The following BAZ2B variants were observed in gnomAD, a reference collection of about 807,000 sequenced individuals.
BAZ2B encodes bromodomain adjacent to zinc finger domain 2B.
In BAZ2B, 91 loss-of-function variants were observed where a neutral mutation model predicts 246.0. That is an observed-to-expected ratio of 0.37 (90% confidence interval 0.31 to 0.44). The LOEUF is 0.44. BAZ2B is among the 20% of genes least tolerant of loss of function. The pLI is 1.00. For synonymous variants in BAZ2B, 855 were observed against 860.0 expected, an observed-to-expected ratio of 0.99 and a Z score of 0.10; for missense variants, 2,332 against 2,533.7, an observed-to-expected ratio of 0.92 and a Z score of 1.71.
At chr2:159,517,390 G>A (rs1380248051) in intron 2 of BAZ2B, among the ~76,000 whole-genome samples, 2 of 150,630 alleles carry the variant, frequency 1.3e-5, no homozygotes, top group African/African-American at 2.4e-5. Flanking sequence ...TTAGCCATGG[G>A]TATCAAACAA....
intron 13 of BAZ2B, among the ~76,000 whole-genome samples, chr2:159,414,587 C>T (rs1228134840): frequency 6.6e-6 from 1 of 151,990 alleles, no homozygotes; most frequent in South Asian, 2.1e-4. Flanking sequence ...GAGGCTGAGG[C>T]GGGTGGATCT....
intron 35 of BAZ2B, 115 bp from the exon 36 acceptor site, chr2:159,325,069 T>C (rs962878309): frequency 6.2e-4 from 1 of 1,606 alleles, no homozygotes; most frequent in Non-Finnish European, 1.3e-3. Flanking sequence ...ATTATATATA[T>C]ATATATATTA....
chr2:159,385,163 A>C lies in BAZ2B; in HGVS notation c.3678T>G (p.Ser1226Arg). ...CCTGGGCATATGCTCACCTGACCAC[A>C]CTCTTGCTGCATGCCAGTTCATTGA... ...FLINELACSK[S>R]VVSEIDKNID... is the part of the protein sequence containing the mutation. The change falls in exon 23 of 37, where the codon AGT becomes AGG. Residue 1226 changes from serine to arginine, a missense_variant. By Grantham distance (110) the Ser-to-Arg change is moderately radical. Around this residue, in one of 9 missense-constraint regions of BAZ2B, gnomAD observed 328 missense variants for 410.4 expected, o/e 0.80. Coordinates refer to ENST00000392783, the MANE Select transcript of BAZ2B (RefSeq NM_013450.4). 2 of 1,612,244 alleles carry C rather than the reference A, an allele frequency of 1.2e-6. No homozygotes were observed. The highest frequency in any genetic ancestry group is 1.7e-6 in the Non-Finnish European group (2 of 1,178,584).
intron 2 of BAZ2B, among the ~76,000 whole-genome samples, chr2:159,549,152 G>A (rs1263703919): frequency 1.3e-5 from 2 of 152,072 alleles, no homozygotes; most frequent in East Asian, 3.9e-4. Context: ...ATGGTGGCAT[G>A]TGCCTGAAAC....
At position 159,428,312 on chromosome 2, in the gene BAZ2B, T is replaced by C. The variant is rs1255527279; in HGVS notation, c.2363A>G (p.Lys788Arg). 1 of 1,609,972 alleles carries C rather than the reference T, an allele frequency of 6.2e-7. No individual in the cohort carries two copies. The highest frequency in any genetic ancestry group is 8.5e-7 in the Non-Finnish European group (1 of 1,177,438). The part of the protein sequence containing the change: ...KKLRQYPEVI[K>R]YLSRNGIMDI... ...CATTATTTGGTGAAAAGTATGTACCTTTATTACTTCAGGGTACTGCCTAAG... is the reference window on the plus strand; with the variant it reads ...CATTATTTGGTGAAAAGTATGTACCCTTATTACTTCAGGGTACTGCCTAAG... Residue 788 changes from lysine to arginine, a missense_variant and splice_region_variant, in exon 12 of 37, where the codon AAG becomes AGG. This residue lies in a region of BAZ2B where 651 missense variants were observed against 650.9 expected (regional missense o/e 1.00). Coordinates refer to ENST00000392783, the MANE Select transcript of BAZ2B (RefSeq NM_013450.4).
At chr2:159,688,305 A>T in the BAZ2B span, among the ~76,000 whole-genome samples, 1 of 152,170 alleles carries the variant, frequency 6.6e-6, no homozygotes, top group Non-Finnish European at 1.5e-5. Context: ...TGGGACTACA[A>T]GCATGAGACA....
intron 3 of BAZ2B, among the ~76,000 whole-genome samples, chr2:159,476,914 C>T (rs2078640909): frequency 6.6e-6 from 1 of 152,174 alleles, no homozygotes; most frequent in Non-Finnish European, 1.5e-5. Context: ...CACTTACAGT[C>T]CAGCCATCAT....
rs2074560907 is a variant in BAZ2B at position 159,448,379 on chromosome 2, T to C, written c.365A>G (p.His122Arg). Residue 122 changes from histidine to arginine, a missense_variant, in exon 5 of 37, where the codon CAT (histidine) becomes CGT (arginine). His to Arg is a conservative substitution (Grantham distance 29). Transcript: ENST00000392783. ...GAEWWRTTDA[H>R]TRTGATFFPP... ...AAAGAAGGTTGCTCCTGTACGAGTA[T>C]GAGCATCAGTTGTTCGCCACCATTC... The C allele has an allele frequency of 1.3e-6, 2 of 1,599,394 alleles. No individual in the cohort carries two copies. The highest frequency in any genetic ancestry group is 8.5e-7 in the Non-Finnish European group (1 of 1,176,134).
At chr2:159,522,006 T>G (rs982512911) in intron 2 of BAZ2B, among the ~76,000 whole-genome samples, 3 of 152,036 alleles carry the variant, frequency 2.0e-5, no homozygotes, top group African/African-American at 7.2e-5. Flanking sequence ...AATTATTAAA[T>G]GAAATAATGT....
intron 1 of BAZ2B, among the ~76,000 whole-genome samples, chr2:159,579,658 C>T (rs761342457): frequency 9.2e-5 from 14 of 152,116 alleles, no homozygotes; most frequent in Non-Finnish European, 1.8e-4. Flanking sequence ...TGATGAACAT[C>T]GATGCAAAAA....
chr2:159,683,308 C>T, the BAZ2B span, among the ~76,000 whole-genome samples: 1 of 152,148 alleles, frequency 6.6e-6, no homozygotes, highest in Admixed American at 6.5e-5. Flanking sequence ...CTCAAACTCT[C>T]AGACTGGTAT....
rs181214755 is a variant in BAZ2B, at chr2:159,412,734, A to C, written c.2467-189T>G. ...ATTCATGGCCTTTGGCATAGCTTTA[A>C]TATTCTTACTTTAATGACTTAAGCT... On this transcript the variant is annotated intron_variant, in intron 13 of 36. Transcript: ENST00000392783. Among the ~76,000 whole-genome samples the C allele has an allele frequency of 2.1e-3, 317 of 152,328 alleles. 2 individuals are homozygous for C. Among genetic ancestry groups the C allele is most frequent in the African/African-American group, 7.1e-3 (296 of 41,582 alleles).
intron 22 of BAZ2B, among the ~76,000 whole-genome samples, chr2:159,385,946 G>A (rs1044441509): frequency 6.6e-5 from 10 of 152,068 alleles, no homozygotes; most frequent in Non-Finnish European, 1.2e-4. Flanking sequence ...AGCAGCACAG[G>A]GTCTTAACGT....
chr2:159,351,139 T>G (rs1218194849), intron 27 of BAZ2B, among the ~76,000 whole-genome samples: 1 of 152,184 alleles, frequency 6.6e-6, no homozygotes, highest in African/African-American at 2.4e-5. Flanking sequence ...AAAATTACCC[T>G]TAATATTTTT....
chr2:159,324,964 A>G lies in BAZ2B; in HGVS notation c.6210-10T>C. On this transcript the variant is annotated splice_polypyrimidine_tract_variant and intron_variant, in intron 35 of 36. Coordinates refer to ENST00000392783, the MANE Select transcript of BAZ2B (RefSeq NM_013450.4). ...TTCAGTCAGAATCATACTAAAGAAAATAATGTTTGAAATCAGTATCCATAC... is the reference window on the plus strand; with the variant it reads ...TTCAGTCAGAATCATACTAAAGAAAGTAATGTTTGAAATCAGTATCCATAC... 1 of 1,499,768 alleles carries G rather than the reference A, an allele frequency of 6.7e-7. No homozygotes were observed. Among genetic ancestry groups the G allele is most frequent in the Non-Finnish European group, 8.8e-7 (1 of 1,136,438 alleles). The allele number at this position is 1,499,768 out of a possible 1,614,324, so 92.9% of individuals were successfully genotyped here. A position where few individuals can be genotyped will look rare whatever the true frequency, so the allele number is the denominator to read the frequency against.
At chr2:159,469,739 C>T (rs1376587647) in intron 3 of BAZ2B, among the ~76,000 whole-genome samples, 1 of 152,120 alleles carries the variant, frequency 6.6e-6, no homozygotes, top group African/African-American at 2.4e-5. Context: ...CCATGCCCGG[C>T]CTATACCTAC....
chr2:159,675,350 A>G, the BAZ2B span, among the ~76,000 whole-genome samples: 1 of 152,278 alleles, frequency 6.6e-6, no homozygotes, highest in South Asian at 2.1e-4. Flanking sequence ...CATTAACTGT[A>G]AAAATCCTCT....
the BAZ2B span, among the ~76,000 whole-genome samples, chr2:159,658,951 G>A: frequency 6.6e-6 from 1 of 152,128 alleles, no homozygotes; most frequent in South Asian, 2.1e-4. Flanking sequence ...ATTGTGGCTG[G>A]CCTTAGCTGA....
intron 3 of BAZ2B, among the ~76,000 whole-genome samples, 183 bp downstream of exon 3, chr2:159,478,392 T>C (rs572974473): frequency 3.1e-4 from 47 of 152,296 alleles, no homozygotes; most frequent in African/African-American, 9.9e-4. Flanking sequence ...CTAGGAAGTA[T>C]AGAATAACCA....
Sources: gnomAD v4.1 joint callset for allele counts (sites outside exome capture counted in the v4.1 genomes callset) on GRCh38, gnomAD v4.1.1 for gene constraint, gnomAD v4.1.1 regional missense constraint, MANE v1.5 for transcripts, NCBI Gene and HGNC (gene_info 2026-07-23, HGNC 2026-07-21) for gene names.